Variants in PKHD1 observed in about 807,000 individuals in gnomAD.
PKHD1 encodes the protein PKHD1 ciliary IPT domain containing fibrocystin/polyductin.
In PKHD1, 291 loss-of-function variants were observed where a neutral mutation model predicts 412.0. The observed-to-expected ratio is 0.71, with a 90% confidence interval of 0.64 to 0.78. PKHD1 has a LOEUF of 0.78. Among genes scored for constraint, PKHD1 ranks in the 30% least tolerant of loss-of-function variants. The probability of loss-of-function intolerance (pLI) is 0.00; values close to 1 mark genes in which losing one functional copy is unlikely to be tolerated. For synonymous variants in PKHD1, 1,777 were observed against 1,821.5 expected, an observed-to-expected ratio of 0.98 and a Z score of 0.62; for missense variants, 4,825 against 4,950.7, an observed-to-expected ratio of 0.97 and a Z score of 0.76.
rs1786714792 is a variant in PKHD1 at position 51,754,958 on chromosome 6, G to T, written c.8643-20C>A. 1.2e-6 allele frequency: 2 copies of T among 1,605,634 alleles called. No homozygotes were observed. Among genetic ancestry groups the T allele is most frequent in the Non-Finnish European group, 1.7e-6 (2 of 1,172,644 alleles). On this transcript the variant is annotated intron_variant, in intron 55 of 66. Transcript: ENST00000371117. ...ATAATTCTGTAACAGCATAACAATG[G>T]CATTGGATATACTAACAGTGCAGCA...
chr6:51,714,694 C>T (rs898451523), intron 60 of PKHD1, among the ~76,000 whole-genome samples: 2 of 152,064 alleles, frequency 1.3e-5, no homozygotes, highest in Non-Finnish European at 2.9e-5. Context: ...TTGGATAGAA[C>T]CAATATAGAA....
At chr6:51,972,240 T>A (rs1479325244) in intron 35 of PKHD1, among the ~76,000 whole-genome samples, 1 of 152,196 alleles carries the variant, frequency 6.6e-6, no homozygotes, top group Non-Finnish European at 1.5e-5. Context: ...GAAAAACTCA[T>A]TCTGTACCTA....
intron 55 of PKHD1, 114 bp from the exon 56 acceptor site, chr6:51,755,052 C>T (rs185117622): frequency 2.1e-4 from 190 of 916,592 alleles, no homozygotes; most frequent in Admixed American, 6.5e-4. Context: ...ACCAGAGAAA[C>T]TGAAATAGAA....
chr6:51,682,964 T>C (rs2150574266), intron 60 of PKHD1, among the ~76,000 whole-genome samples: 1 of 152,078 alleles, frequency 6.6e-6, no homozygotes, highest in South Asian at 2.1e-4. Context: ...CTGGGAGACA[T>C]GGCAGGGGAA....
At chr6:51,913,958 GAAACAATA>G (rs1327838750) in intron 37 of PKHD1, among the ~76,000 whole-genome samples, 1 of 151,902 alleles carries the variant, frequency 6.6e-6, no homozygotes, top group Non-Finnish European at 1.5e-5. Context: ...TTAACCCTTG[GAAACAATA>G]AAATGAAATA....
rs765009828 is a variant in PKHD1 at position 51,883,236 on chromosome 6, T to C, written c.7216-9A>G. 11 of 1,611,970 alleles carry C rather than the reference T, an allele frequency of 6.8e-6. No individual in the cohort carries two copies. Among genetic ancestry groups the C allele is most frequent in the African/African-American group, 1.3e-5 (1 of 74,896 alleles). On this transcript the variant is annotated splice_polypyrimidine_tract_variant and intron_variant, in intron 45 of 66. Transcript: ENST00000371117. ...TTGCTACTTCTAAAAATCTATAAAA[T>C]ACAGCATGTTACAGCAAAGGTCTGA...
chr6:51,675,187 C>A (rs1266733019), intron 60 of PKHD1, among the ~76,000 whole-genome samples: 1 of 152,116 alleles, frequency 6.6e-6, no homozygotes, highest in Non-Finnish European at 1.5e-5. Context: ...ACATTAACTA[C>A]TTAAGAGGGT....
At chr6:51,946,377 T>A (rs72895711) in intron 36 of PKHD1, among the ~76,000 whole-genome samples, 10,673 of 152,294 alleles carry the variant, frequency 0.07, 508 homozygotes, top group Middle Eastern at 0.11. Flanking sequence ...TATTTTTGCC[T>A]GAAATAATTA....
At chr6:51,741,693 T>C (rs373468688) in intron 60 of PKHD1, among the ~76,000 whole-genome samples, 2 of 152,200 alleles carry the variant, frequency 1.3e-5, no homozygotes, top group African/African-American at 2.4e-5. Flanking sequence ...ACTTCCCTTA[T>C]TGGCCTTATT....
At chr6:51,867,465 T>C (rs1775264151) in intron 48 of PKHD1, among the ~76,000 whole-genome samples, 1 of 152,124 alleles carries the variant, frequency 6.6e-6, no homozygotes, top group Admixed American at 6.6e-5. Context: ...CCCTGGAGCA[T>C]ATTGAACACT....
At chr6:52,020,737 T>A (rs995224659) in intron 33 of PKHD1, among the ~76,000 whole-genome samples, 13 of 152,206 alleles carry the variant, frequency 8.5e-5, no homozygotes, top group Admixed American at 2.6e-4. Flanking sequence ...GAAACACTTG[T>A]AAGGGTTGCT....
intron 36 of PKHD1, among the ~76,000 whole-genome samples, chr6:51,953,301 A>G (rs1187755335): frequency 6.6e-6 from 1 of 152,128 alleles, no homozygotes; most frequent in Non-Finnish European, 1.5e-5. Context: ...AGAGAAAAAA[A>G]ACAAATTATT....
Position 52,025,214 on chromosome 6 carries a change from A to G in PKHD1, c.4596T>C (p.Asn1532=), listed in dbSNP as rs543262485. ...TTGTCTGGCACACAACGTGGCTTGC[A>G]TTAAAAAAAGTTACATTGCAAGGAA... The part of the protein sequence containing the change: ...DQLPCNVTFF[N]ASHVVCQTRD... The change falls in exon 32 of 67, where the codon AAT becomes AAC. Residue 1532 remains asparagine (N), a synonymous_variant. Coordinates refer to ENST00000371117, the MANE Select transcript of PKHD1 (RefSeq NM_138694.4). The G allele has an allele frequency of 1.2e-6, 2 of 1,614,232 alleles. No individual in the cohort carries two copies. The highest frequency in any genetic ancestry group is 2.7e-5 in the African/African-American group (2 of 75,060).
At chr6:52,055,135 A>G (rs550907342) in intron 19 of PKHD1, among the ~76,000 whole-genome samples, 3 of 152,366 alleles carry the variant, frequency 2.0e-5, no homozygotes, top group Non-Finnish European at 4.4e-5. Context: ...CTAACTGTGC[A>G]GGCACTTTAC....
intron 60 of PKHD1, among the ~76,000 whole-genome samples, chr6:51,730,771 G>A (rs1582330722): frequency 6.6e-6 from 1 of 152,180 alleles, no homozygotes; most frequent in South Asian, 2.1e-4. Flanking sequence ...ATTTATTGGA[G>A]GGACTGCTCA....
intron 65 of PKHD1, among the ~76,000 whole-genome samples, chr6:51,631,240 A>C (rs1767888824): frequency 1.3e-5 from 2 of 152,192 alleles, no homozygotes; most frequent in South Asian, 4.1e-4. Flanking sequence ...CACTACATAC[A>C]CTGAATGTAG....
intron 60 of PKHD1, among the ~76,000 whole-genome samples, chr6:51,677,879 T>C (rs1776094476): frequency 6.6e-6 from 1 of 152,120 alleles, no homozygotes; most frequent in South Asian, 2.1e-4. Context: ...CAAAAAAAAA[T>C]CCTTACTTTT....
chr6:51,755,692 A>G (rs1786870844), intron 55 of PKHD1, among the ~76,000 whole-genome samples: 1 of 152,128 alleles, frequency 6.6e-6, no homozygotes, highest in Non-Finnish European at 1.5e-5. Flanking sequence ...CATAAATTTA[A>G]TTGCCTGCTT....
chr6:52,018,976 T>A (rs1800971158), intron 33 of PKHD1, among the ~76,000 whole-genome samples: 1 of 152,206 alleles, frequency 6.6e-6, no homozygotes, highest in Non-Finnish European at 1.5e-5. Flanking sequence ...CATTAGCATG[T>A]TATAGAGATA....
Sources: gnomAD v4.1 joint callset for allele counts (sites outside exome capture counted in the v4.1 genomes callset) on GRCh38, gnomAD v4.1.1 for gene constraint, MANE v1.5 for transcripts, NCBI Gene and HGNC (gene_info 2026-07-23, HGNC 2026-07-21) for gene names.